The following NUDT3 variants were observed in gnomAD, a reference collection of about 807,000 sequenced individuals.
NUDT3 encodes nudix hydrolase 3, also known as diphosphoinositol polyphosphate phosphohydrolase 1.
A neutral mutation model predicts 23.6 loss-of-function variants in NUDT3; 9 were observed. That is an observed-to-expected ratio of 0.38 (90% confidence interval 0.23 to 0.66). The LOEUF (loss-of-function observed/expected upper bound fraction) is 0.66. NUDT3 is among the 30% of genes least tolerant of loss of function. NUDT3 has a pLI of 0.52. For synonymous variants in NUDT3, 86 were observed against 82.6 expected, an observed-to-expected ratio of 1.04 and a Z score of -0.22; for missense variants, 172 against 218.5, an observed-to-expected ratio of 0.79 and a Z score of 1.34.
chr6:34,317,146 T>G (rs1168722300), intron 2 of NUDT3, among the ~76,000 whole-genome samples: 1 of 152,150 alleles, frequency 6.6e-6, no homozygotes, highest in Non-Finnish European at 1.5e-5. Context: ...AAGGATGGAC[T>G]GCCACTACTG....
At chr6:34,358,770 T>C (rs1764602172) in intron 1 of NUDT3, among the ~76,000 whole-genome samples, 1 of 151,860 alleles carries the variant, frequency 6.6e-6, no homozygotes, top group South Asian at 2.1e-4. Flanking sequence ...CACAAACAGC[T>C]CTTCACGGAT....
In NUDT3 at chr6:34,288,522, C is replaced by T. The variant is rs995321450; in HGVS notation, c.*231G>A. ...GGAAGAGGGAGGGACAGATCATGCA[C>T]AAAAGTACTTACAAATTACACACCC... is the stretch of plus-strand genomic sequence containing the variant. On this transcript the variant is annotated 3_prime_UTR_variant, in exon 5 of 5. Coordinates refer to ENST00000607016, the MANE Select transcript of NUDT3 (RefSeq NM_006703.4). 7.5e-6 allele frequency: 4 copies of T among 534,426 alleles called. No homozygotes were observed. The highest frequency in any genetic ancestry group is 1.3e-5 in the Non-Finnish European group (4 of 315,916). The allele number at this position is 534,426 out of a possible 1,614,324, so 33.1% of individuals were successfully genotyped here. A position where few individuals can be genotyped will look rare whatever the true frequency, so the allele number is the denominator to read the frequency against.
intron 1 of NUDT3, among the ~76,000 whole-genome samples, chr6:34,354,394 A>AACACACACAC (rs370168110): frequency 0.019 from 2,608 of 137,594 alleles, 38 homozygotes; most frequent in African/African-American, 0.032. Flanking sequence ...GATTTCATTA[A>AACACACACAC]ACACACACAC....
At chr6:34,343,062 T>C (rs919448937) in intron 1 of NUDT3, among the ~76,000 whole-genome samples, 4 of 152,164 alleles carry the variant, frequency 2.6e-5, no homozygotes, top group Non-Finnish European at 5.9e-5. Flanking sequence ...CATGGTGTTA[T>C]GGGAAGGAAA....
At chr6:34,362,488 T>C (rs1355462224) in intron 1 of NUDT3, among the ~76,000 whole-genome samples, 1 of 152,068 alleles carries the variant, frequency 6.6e-6, no homozygotes, top group Non-Finnish European at 1.5e-5. Context: ...GGATTAAAAA[T>C]ATTTTTAAAT....
intron 1 of NUDT3, among the ~76,000 whole-genome samples, chr6:34,391,679 C>A (rs1765201556): frequency 6.6e-6 from 1 of 152,172 alleles, no homozygotes; most frequent in Non-Finnish European, 1.5e-5. Flanking sequence ...ATAAAGGCTA[C>A]CCAGCGCACT....
At chr6:34,296,094 C>A (rs1339697480) in intron 2 of NUDT3, among the ~76,000 whole-genome samples, 1 of 152,142 alleles carries the variant, frequency 6.6e-6, no homozygotes, top group Admixed American at 6.5e-5. Flanking sequence ...ATAGCAAGAT[C>A]CTGCCTCTAA....
At chr6:34,358,732 A>G (rs1764601620) in intron 1 of NUDT3, among the ~76,000 whole-genome samples, 1 of 152,202 alleles carries the variant, frequency 6.6e-6, no homozygotes. Context: ...GACTGGGCAG[A>G]GGAGCAATAA....
intron 2 of NUDT3, among the ~76,000 whole-genome samples, chr6:34,297,757 ATAATT>A (rs1272676248): frequency 0.023 from 1,533 of 67,828 alleles, 32 homozygotes; most frequent in African/African-American, 0.054. Flanking sequence ...ATATATATAT[ATAATT>A]TTTTTTTTTT....
intron 1 of NUDT3, among the ~76,000 whole-genome samples, chr6:34,391,054 C>G (rs936318933): frequency 7.9e-5 from 12 of 152,172 alleles, no homozygotes; most frequent in Non-Finnish European, 1.6e-4. Flanking sequence ...CACATGGGAT[C>G]CCTTAACAAC....
chr6:34,292,850 G>A (rs1299800935), intron 4 of NUDT3, among the ~76,000 whole-genome samples: 1 of 152,138 alleles, frequency 6.6e-6, no homozygotes, highest in Non-Finnish European at 1.5e-5. Context: ...TGCTCAGGAG[G>A]TGCAGAAGTA....
intron 2 of NUDT3, among the ~76,000 whole-genome samples, chr6:34,299,600 A>T (rs1319973286): frequency 8.0e-5 from 11 of 137,060 alleles, no homozygotes; most frequent in African/African-American, 1.6e-4. Flanking sequence ...ATTTTCTTGA[A>T]TTTTTTTTTT....
chr6:34,310,450 A>C (rs138636084), intron 2 of NUDT3, among the ~76,000 whole-genome samples: 1 of 151,828 alleles, frequency 6.6e-6, no homozygotes, highest in Non-Finnish European at 1.5e-5. Context: ...GAATCACTTG[A>C]ACTGGGAAGC....
rs1258257987 is a variant in NUDT3, at chr6:34,294,377, C to T, written c.256-842G>A. Among the ~76,000 whole-genome samples, 3 of 151,996 alleles carry T rather than the reference C, an allele frequency of 2.0e-5. No individual in the cohort carries two copies. In the South Asian group the frequency reaches 6.2e-4, roughly 32 times the overall value. On this transcript the variant is annotated intron_variant, in intron 3 of 4. Coordinates refer to ENST00000607016, the MANE Select transcript of NUDT3 (RefSeq NM_006703.4). The stretch of plus-strand genomic sequence containing the variant: ...GCTCAAGTGATCCTCCCACTTTGGC[C>T]TCCCAAAATGCTGGGATTACAGGCA...
intron 1 of NUDT3, among the ~76,000 whole-genome samples, chr6:34,358,249 T>G (rs1440057265): frequency 7.0e-6 from 1 of 143,076 alleles, no homozygotes; most frequent in African/African-American, 2.8e-5. Context: ...AGAAACTGCA[T>G]GAGTAGTTTA....
chr6:34,322,143 G>C, intron 2 of NUDT3, among the ~76,000 whole-genome samples: 1 of 152,120 alleles, frequency 6.6e-6, no homozygotes, highest in Non-Finnish European at 1.5e-5. Flanking sequence ...TGGAAATACA[G>C]AGGATGGGGA....
Position 34,284,626 on chromosome 6 carries a change from C to T in NUDT3, c.*4127G>A, listed in dbSNP as rs1581842505. ...AAAATGAGAAATATGTGAAGGATAA[C>T]ATGTGAAATGTACACTCAGGTCTAA... On this transcript the variant is annotated 3_prime_UTR_variant, in exon 5 of 5. Coordinates refer to ENST00000607016, the MANE Select transcript of NUDT3 (RefSeq NM_006703.4). 6.9e-6 allele frequency: 1 copy of T among 145,670 alleles called. No individual in the cohort carries two copies. Among genetic ancestry groups the T allele is most frequent in the Admixed American group, 7.1e-5 (1 of 14,130 alleles). The allele number at this position is 145,670 out of a possible 1,614,324, so 9.0% of individuals were successfully genotyped here.
chr6:34,328,906 C>T (rs1764083533), intron 2 of NUDT3, among the ~76,000 whole-genome samples: 1 of 152,066 alleles, frequency 6.6e-6, no homozygotes, highest in South Asian at 2.1e-4. Flanking sequence ...CTGATAAATC[C>T]TATGATAGCC....
intron 4 of NUDT3, among the ~76,000 whole-genome samples, chr6:34,290,388 C>CCTG (rs1289524958): frequency 2.0e-5 from 3 of 149,422 alleles, no homozygotes; most frequent in Non-Finnish European, 3.0e-5. Context: ...ACGTGCCACA[C>CCTG]CTGCTGCTGC....
Sources: gnomAD v4.1 joint callset for allele counts (sites outside exome capture counted in the v4.1 genomes callset) on GRCh38, gnomAD v4.1.1 for gene constraint, MANE v1.5 for transcripts, NCBI Gene and HGNC (gene_info 2026-07-23, HGNC 2026-07-21) for gene names.